Variants in ERBB4 observed in about 807,000 individuals in gnomAD.
ERBB4 encodes the protein receptor tyrosine-protein kinase erbB-4.
Under a neutral mutation model 158.0 loss-of-function variants are expected in ERBB4, and 42 were observed. The observed-to-expected ratio is 0.27, with a 90% CI of 0.21 to 0.34. ERBB4 has a LOEUF of 0.34. Among genes scored for constraint, ERBB4 ranks in the 10% least tolerant of loss-of-function variants. The probability of loss-of-function intolerance (pLI) is 1.00; values close to 1 mark genes in which losing one functional copy is unlikely to be tolerated. For synonymous variants in ERBB4, 583 were observed against 558.7 expected (o/e 1.04, Z -0.61); for missense variants, 1,333 against 1,624.1 (o/e 0.82, Z 3.08).
At chr2:211,678,245 AC>A (rs1336707406) in intron 13 of ERBB4, among the ~76,000 whole-genome samples, 1 of 152,038 alleles carries the variant, frequency 6.6e-6, no homozygotes, top group African/African-American at 2.4e-5. Flanking sequence ...AAAGACAGAA[AC>A]AAGCCATTCC....
intron 3 of ERBB4, among the ~76,000 whole-genome samples, chr2:211,812,562 T>C (rs1325972952): frequency 6.6e-6 from 1 of 152,198 alleles, no homozygotes; most frequent in Non-Finnish European, 1.5e-5. Context: ...GAAGAACCAC[T>C]GCTCTCCTCA....
intron 1 of ERBB4, among the ~76,000 whole-genome samples, chr2:212,393,998 AGTTGTTGAAT>A (rs1453908767): frequency 6.6e-6 from 1 of 152,118 alleles, no homozygotes; most frequent in Non-Finnish European, 1.5e-5. Flanking sequence ...TATTAGTCTG[AGTTGTTGAAT>A]GACTATGTGG....
At chr2:212,065,516 C>A (rs1255902486) in intron 2 of ERBB4, among the ~76,000 whole-genome samples, 1 of 151,980 alleles carries the variant, frequency 6.6e-6, no homozygotes, top group Admixed American at 6.6e-5. Context: ...TTATAAATGT[C>A]TAAGTTAATA....
chr2:212,508,504 C>T (rs186892003), intron 1 of ERBB4, among the ~76,000 whole-genome samples: 1 of 152,116 alleles, frequency 6.6e-6, no homozygotes, highest in Admixed American at 6.5e-5. Context: ...TTTTCAGACA[C>T]ATGTCTAAAA....
chr2:212,504,261 T>C (rs1691059279), intron 1 of ERBB4, among the ~76,000 whole-genome samples: 1 of 151,936 alleles, frequency 6.6e-6, no homozygotes, highest in African/African-American at 2.4e-5. Context: ...TCTCTACTCC[T>C]CAAAACCATA....
intron 2 of ERBB4, among the ~76,000 whole-genome samples, chr2:211,991,003 T>G (rs1040003246): frequency 3.9e-5 from 6 of 151,908 alleles, no homozygotes; most frequent in African/African-American, 1.4e-4. Context: ...TTAAATAGTT[T>G]TAAAAAATTA....
chr2:212,136,888 C>G (rs2080288255), intron 1 of ERBB4, among the ~76,000 whole-genome samples: 1 of 152,132 alleles, frequency 6.6e-6, no homozygotes, highest in Non-Finnish European at 1.5e-5. Flanking sequence ...AATCCAAGAT[C>G]ACCTTCTAAC....
chr2:212,095,092 T>C (rs1336046589), intron 2 of ERBB4, among the ~76,000 whole-genome samples: 2 of 152,282 alleles, frequency 1.3e-5, no homozygotes, highest in African/African-American at 4.8e-5. Flanking sequence ...CACAATGCCT[T>C]ACACCTTATG....
At chr2:211,816,374 C>CT (rs2076880152) in intron 3 of ERBB4, among the ~76,000 whole-genome samples, 1 of 151,646 alleles carries the variant, frequency 6.6e-6, no homozygotes, top group African/African-American at 2.4e-5. Context: ...AACCCCGTCT[C>CT]TACTAAAATT....
chr2:212,353,360 TGTAC>T (rs931213731), intron 1 of ERBB4, among the ~76,000 whole-genome samples: 52 of 150,232 alleles, frequency 3.5e-4, no homozygotes, highest in African/African-American at 1.2e-3. Context: ...TATGTACAAA[TGTAC>T]GTATTATACA....
intron 20 of ERBB4, among the ~76,000 whole-genome samples, chr2:211,521,482 C>T (rs993065200): frequency 1.7e-4 from 26 of 152,114 alleles, no homozygotes; most frequent in African/African-American, 5.6e-4. Context: ...AAGGCATCTC[C>T]ATAACATAAA....
chr2:211,447,694 T>TCTGCAGAAA (rs1322896883), intron 20 of ERBB4, among the ~76,000 whole-genome samples: 29 of 152,160 alleles, frequency 1.9e-4, no homozygotes, highest in Admixed American at 4.6e-4. Context: ...GCAGACTTAT[T>TCTGCAGAAA]TTTGACTTCT....
At chr2:212,079,466 T>C (rs2078370657) in intron 2 of ERBB4, among the ~76,000 whole-genome samples, 1 of 152,122 alleles carries the variant, frequency 6.6e-6, no homozygotes, top group Non-Finnish European at 1.5e-5. Context: ...TTGAGGTCTG[T>C]GTTGTATAGA....
At chr2:211,615,651 CTTAT>C (rs1174903857) in intron 19 of ERBB4, among the ~76,000 whole-genome samples, 1 of 152,018 alleles carries the variant, frequency 6.6e-6, no homozygotes, top group Non-Finnish European at 1.5e-5. Context: ...CAAACTGCCC[CTTAT>C]TTATTTTTTG....
At chr2:212,267,313 T>G (rs1247682869) in intron 1 of ERBB4, among the ~76,000 whole-genome samples, 1 of 151,914 alleles carries the variant, frequency 6.6e-6, no homozygotes, top group Non-Finnish European at 1.5e-5. Flanking sequence ...ATTTTTCAAG[T>G]ACAAATTTAG....
intron 2 of ERBB4, among the ~76,000 whole-genome samples, chr2:212,026,816 C>A (rs2076782316): frequency 6.6e-6 from 1 of 151,780 alleles, no homozygotes; most frequent in African/African-American, 2.4e-5. Flanking sequence ...AGTATAACCT[C>A]TGTTTTGACA....
At chr2:212,477,013 T>C (rs186022658) in intron 1 of ERBB4, among the ~76,000 whole-genome samples, 92 of 152,254 alleles carry the variant, frequency 6.0e-4, no homozygotes, top group Non-Finnish European at 3.8e-4. Context: ...TTTCCTCATC[T>C]ATAAAATGGT....
chr2:211,771,478 G>A (rs1423059376), intron 4 of ERBB4, among the ~76,000 whole-genome samples: 1 of 152,060 alleles, frequency 6.6e-6, no homozygotes, highest in African/African-American at 2.4e-5. Context: ...AATCTGACAG[G>A]GACCACTTTT....
chr2:211,964,957 T>A (rs760450205), intron 2 of ERBB4, among the ~76,000 whole-genome samples: 25 of 152,196 alleles, frequency 1.6e-4, no homozygotes, highest in Non-Finnish European at 2.2e-4. Context: ...TAAAATTTAA[T>A]GTTATTATTT....
Sources: allele counts gnomAD v4.1 joint callset (sites outside exome capture counted in the v4.1 genomes callset), GRCh38; gene constraint gnomAD v4.1.1; transcripts MANE v1.5; gene names NCBI Gene and HGNC (gene_info 2026-07-23, HGNC 2026-07-21).